PIP5K1B: variants seen among roughly 807,000 people sequenced by gnomAD.
PIP5K1B encodes phosphatidylinositol-4-phosphate 5-kinase type 1 beta.
Under a neutral mutation model 67.0 loss-of-function variants are expected in PIP5K1B, and 42 were observed. The ratio of observed to expected loss-of-function variants is 0.63; its 90% CI spans 0.49 to 0.81. PIP5K1B has a LOEUF of 0.81. Ranked by LOEUF, PIP5K1B falls within the 30% of genes least tolerant of loss-of-function variation. The pLI is 0.00. For missense variants in PIP5K1B, 459 were observed against 646.3 expected (o/e 0.71, Z 3.14); for synonymous variants, 214 against 231.4 (o/e 0.92, Z 0.68).
At chr9:68,988,055 T>G (rs1282535831) in intron 14 of PIP5K1B, among the ~76,000 whole-genome samples, 2 of 152,182 alleles carry the variant, frequency 1.3e-5, no homozygotes, top group Admixed American at 1.3e-4. Flanking sequence ...ATGTCCTTGT[T>G]TTTAGGAAAT....
chr9:68,875,793 G>A (rs1353703798), intron 5 of PIP5K1B, among the ~76,000 whole-genome samples: 6 of 152,074 alleles, frequency 3.9e-5, no homozygotes, highest in Non-Finnish European at 5.9e-5. Context: ...AAAATTTTAA[G>A]AACAAAAACA....
At chr9:68,959,015 G>C (rs1250737628) in intron 14 of PIP5K1B, among the ~76,000 whole-genome samples, 1 of 152,084 alleles carries the variant, frequency 6.6e-6, no homozygotes, top group African/African-American at 2.4e-5. Flanking sequence ...GAAAGAATAA[G>C]AAAGAAAGAA....
chr9:68,833,002 G>A (rs550883202), intron 4 of PIP5K1B, among the ~76,000 whole-genome samples: 9 of 152,130 alleles, frequency 5.9e-5, no homozygotes, highest in East Asian at 3.9e-4. Context: ...TTTGACTTAC[G>A]TCCATGTACT....
chr9:68,777,686 A>G (rs1437956852), intron 2 of PIP5K1B, among the ~76,000 whole-genome samples: 1 of 152,186 alleles, frequency 6.6e-6, no homozygotes, highest in African/African-American at 2.4e-5. Context: ...TGGGCTCATC[A>G]CCATCCTTGT....
chr9:68,711,902 T>A (rs1186817338), intron 1 of PIP5K1B, among the ~76,000 whole-genome samples: 1 of 152,226 alleles, frequency 6.6e-6, no homozygotes, highest in Non-Finnish European at 1.5e-5. Context: ...CTTCTCTAAG[T>A]TAATCAGCTT....
At chr9:68,781,236 G>A in intron 2 of PIP5K1B, 1 of 611,934 alleles carries the variant, frequency 1.6e-6, no homozygotes, top group Non-Finnish European at 2.8e-6. Flanking sequence ...ATTTTCAGAC[G>A]TTTCCCCAAT....
chr9:68,985,314 C>G (rs929256290), intron 14 of PIP5K1B, among the ~76,000 whole-genome samples: 1 of 150,560 alleles, frequency 6.6e-6, no homozygotes, highest in Non-Finnish European at 1.5e-5. Context: ...TGCAATGGTG[C>G]GATCTCGGCT....
chr9:68,945,179 G>A (rs886932446), intron 14 of PIP5K1B, among the ~76,000 whole-genome samples: 1 of 151,702 alleles, frequency 6.6e-6, no homozygotes, highest in African/African-American at 2.4e-5. Flanking sequence ...AGAGTCTCGC[G>A]CTGTGGCCCA....
At chr9:68,761,626 T>C (rs1232265115) in intron 2 of PIP5K1B, among the ~76,000 whole-genome samples, 2 of 152,108 alleles carry the variant, frequency 1.3e-5, no homozygotes, top group Non-Finnish European at 1.5e-5. Context: ...CTTTTCCAGA[T>C]TCTAGAGTTA....
At chr9:68,974,178 C>T (rs781444430) in intron 14 of PIP5K1B, among the ~76,000 whole-genome samples, 9 of 152,202 alleles carry the variant, frequency 5.9e-5, no homozygotes, top group Non-Finnish European at 1.2e-4. Context: ...CCTTCCTCTT[C>T]ATTCTTGCTA....
rs572678048 is a variant in PIP5K1B at position 68,706,451 on chromosome 9, G to A, written c.-243+689G>A. Among the ~76,000 whole-genome samples, 4 of 152,308 alleles carry A rather than the reference G, an allele frequency of 2.6e-5. No individual in the cohort carries two copies. In the South Asian group the frequency reaches 8.3e-4, roughly 32 times the overall value. On this transcript the variant is annotated intron_variant, in intron 1 of 15. Transcript: ENST00000265382. ...TGGCATCTATGCAGATGAGCGTGTT[G>A]TCATTTCTTATCCCCCCCAACCCCC... is the stretch of plus-strand genomic sequence containing the variant.
intron 2 of PIP5K1B, among the ~76,000 whole-genome samples, chr9:68,792,948 G>A (rs867208210): frequency 2.6e-5 from 4 of 152,266 alleles, no homozygotes; most frequent in Middle Eastern, 3.4e-3. Context: ...GGATACTTTG[G>A]TGTACAAAAC....
Position 69,008,571 on chromosome 9 carries a change from A to G in PIP5K1B, c.*122A>G, listed in dbSNP as rs1831193229. The G allele has an allele frequency of 2.1e-6, 2 of 947,332 alleles. No individual in the cohort carries two copies. Among genetic ancestry groups the G allele is most frequent in the South Asian group, 2.6e-5 (2 of 76,148 alleles). 58.7% of individuals were successfully genotyped at this position (947,332 alleles called of 1,614,324 possible). On this transcript the variant is annotated 3_prime_UTR_variant, in exon 16 of 16. Coordinates refer to ENST00000265382, the MANE Select transcript of PIP5K1B (RefSeq NM_003558.4). The stretch of plus-strand genomic sequence containing the variant: ...GAGCCCCACTACACACAGAGAAATC[A>G]TCAACCTGACTTAAGAGTTTTCAAG...
At chr9:68,893,745 C>A (rs1015748423) in intron 7 of PIP5K1B, among the ~76,000 whole-genome samples, 1 of 152,034 alleles carries the variant, frequency 6.6e-6, no homozygotes. Flanking sequence ...GTGACAAAAA[C>A]CTGCAGAAAA....
intron 14 of PIP5K1B, among the ~76,000 whole-genome samples, chr9:68,949,818 G>A (rs145359000): frequency 3.1e-4 from 47 of 152,326 alleles, no homozygotes; most frequent in Middle Eastern, 6.8e-3. Context: ...GGAAAGTGGC[G>A]TGCAGAAAAC....
chr9:68,762,839 G>T (rs1047692948), intron 2 of PIP5K1B, among the ~76,000 whole-genome samples: 1 of 152,148 alleles, frequency 6.6e-6, no homozygotes, highest in Non-Finnish European at 1.5e-5. Flanking sequence ...GAAGACAATG[G>T]GGATACTATC....
At chr9:68,951,837 C>G (rs1554745369) in intron 14 of PIP5K1B, among the ~76,000 whole-genome samples, 1 of 152,194 alleles carries the variant, frequency 6.6e-6, no homozygotes, top group Non-Finnish European at 1.5e-5. Context: ...TCTTCATGTG[C>G]AATCACCTTC....
At chr9:68,741,217 C>T (rs993041200) in intron 1 of PIP5K1B, among the ~76,000 whole-genome samples, 1 of 152,136 alleles carries the variant, frequency 6.6e-6, no homozygotes, top group Admixed American at 6.5e-5. Flanking sequence ...AAATTGGAAT[C>T]ACATATTTTT....
At chr9:68,808,432 A>T (rs1446158932) in intron 2 of PIP5K1B, among the ~76,000 whole-genome samples, 1 of 152,080 alleles carries the variant, frequency 6.6e-6, no homozygotes, top group Non-Finnish European at 1.5e-5. Context: ...CTATCACCAG[A>T]TACACACAGA....
Sources: gnomAD v4.1 joint callset for allele counts (sites outside exome capture counted in the v4.1 genomes callset) on GRCh38, gnomAD v4.1.1 for gene constraint, MANE v1.5 for transcripts, NCBI Gene and HGNC (gene_info 2026-07-23, HGNC 2026-07-21) for gene names.